COQ4: variants seen among roughly 807,000 people sequenced by gnomAD.
COQ4 encodes coenzyme Q4.
In COQ4, 36 loss-of-function variants were observed where a neutral mutation model predicts 30.2. The ratio of observed to expected loss-of-function variants is 1.19; its 90% CI spans 0.91 to 1.57. The LOEUF (loss-of-function observed/expected upper bound fraction) is 1.57, where lower values mean the gene tolerates loss of function less well. Ranked by LOEUF, COQ4 falls within the 40% of genes most tolerant of loss-of-function variation. COQ4 has a pLI of 0.00. For synonymous variants in COQ4, 197 were observed against 161.0 expected (o/e 1.22, Z -1.69); for missense variants, 369 against 371.9 (o/e 0.99, Z 0.07).
intron 3 of COQ4, 128 bp downstream of exon 3, chr9:128,325,367 G>C (rs1832300201): frequency 1.5e-6 from 1 of 661,950 alleles, no homozygotes; most frequent in African/African-American, 1.8e-5. Flanking sequence ...GGTTGCACAG[G>C]CTGGGCACTG....
intron 3 of COQ4, 131 bp from the exon 4 acceptor site, chr9:128,325,648 T>C (rs1025508147): frequency 1.4e-6 from 1 of 694,914 alleles, no homozygotes; most frequent in Non-Finnish European, 2.5e-6. Context: ...TGGCCAGTTG[T>C]AGGTGCTCCA....
chr9:128,332,466 C>G, intron 5 of COQ4, 184 bp downstream of exon 5: 2 of 666,710 alleles, frequency 3.0e-6, no homozygotes, highest in Non-Finnish European at 5.1e-6. Context: ...CCTCAGGGCT[C>G]CTGCACTAAT....
chr9:128,323,432 CATA>C, intron 2 of COQ4: 1 of 513,486 alleles, frequency 1.9e-6, no homozygotes, highest in Non-Finnish European at 3.4e-6. Context: ...ATAGATGATT[CATA>C]AGTACCGATC....
At chr9:128,331,257 C>CG (rs1372418416) in intron 4 of COQ4, 2 of 152,230 alleles carry the variant, frequency 1.3e-5, no homozygotes, top group African/African-American at 4.8e-5. Flanking sequence ...ATGTGGCAAG[C>CG]GGCTGCCATA....
chr9:128,332,809 C>T, intron 5 of COQ4, 41 bp from the exon 6 acceptor site: 1 of 1,453,924 alleles, frequency 6.9e-7, no homozygotes, highest in Non-Finnish European at 9.7e-7. Context: ...GCCTTTCCTT[C>T]AGATAGCTTG....
At chr9:128,331,957 G>A in intron 4 of COQ4, 196 bp from the exon 5 acceptor site, 1 of 552,924 alleles carries the variant, frequency 1.8e-6, no homozygotes, top group Non-Finnish European at 3.2e-6. Context: ...TTGAACTCCT[G>A]ATCTCAGGTG....
intron 2 of COQ4, chr9:128,323,433 A>AT: frequency 1.9e-6 from 1 of 514,236 alleles, no homozygotes; most frequent in Non-Finnish European, 3.4e-6. Flanking sequence ...TAGATGATTC[A>AT]TAAGTACCGA....
At chr9:128,331,084 G>A (rs1832400581) in intron 4 of COQ4, 1 of 152,140 alleles carries the variant, frequency 6.6e-6, no homozygotes, top group African/African-American at 2.4e-5. Flanking sequence ...TGATCCACCT[G>A]CCTCAGCCTC....
chr9:128,326,054 A>T (rs1832315218), intron 4 of COQ4, 173 bp downstream of exon 4: 1 of 637,484 alleles, frequency 1.6e-6, no homozygotes, highest in East Asian at 2.7e-5. Flanking sequence ...GGGTGGGAAC[A>T]TGCCTGCAAT....
chr9:128,327,459 A>G (rs1386949614), intron 4 of COQ4, among the ~76,000 whole-genome samples: 3 of 152,028 alleles, frequency 2.0e-5, no homozygotes, highest in Non-Finnish European at 4.4e-5. Context: ...AACAAAACAA[A>G]AAAATTCATA....
In COQ4 at chr9:128,325,894, C is replaced by T. The variant is rs777622469; in HGVS notation, c.402+13C>T. ...CCTGGATGTGAACGTGAGTTTTCAG[C>T]TCCTGTGTATCTGGCAGTCACCAGA... On this transcript the variant is annotated intron_variant, in intron 4 of 6. Transcript: ENST00000300452. The T allele has an allele frequency of 2.2e-5, 35 of 1,607,944 alleles. No individual in the cohort carries two copies. Among genetic ancestry groups the T allele is most frequent in the Non-Finnish European group, 2.9e-5 (34 of 1,174,462 alleles).
At position 128,329,465 on chromosome 9, in the gene COQ4, C is replaced by T. The variant is rs1478712367; in HGVS notation, c.403-2688C>T. Among the ~76,000 whole-genome samples, 3 of 152,252 alleles carry T rather than the reference C, an allele frequency of 2.0e-5. No homozygotes were observed. The East Asian group carries it at 5.8e-4, about 29-fold the overall frequency. ...AATCTTGGCTCACTGCAACCTCCAC[C>T]TCCTGGCAATTCTCCTGCCTCAGCC... On this transcript the variant is annotated intron_variant, in intron 4 of 6. Coordinates refer to ENST00000300452, the MANE Select transcript of COQ4 (RefSeq NM_016035.5).
At chr9:128,328,948 C>G (rs1832364045) in intron 4 of COQ4, among the ~76,000 whole-genome samples, 1 of 152,150 alleles carries the variant, frequency 6.6e-6, no homozygotes, top group South Asian at 2.1e-4. Flanking sequence ...ACTTGTAGAG[C>G]AAGGAAATCA....
chr9:128,326,665 G>A (rs373034139), intron 4 of COQ4, among the ~76,000 whole-genome samples: 5 of 152,056 alleles, frequency 3.3e-5, no homozygotes, highest in East Asian at 1.9e-4. Context: ...GGATGGTCTC[G>A]ATCTCCTGAC....
intron 3 of COQ4, 43 bp from the exon 4 acceptor site, chr9:128,325,736 A>G (rs1409728377): frequency 1.3e-6 from 2 of 1,508,724 alleles, no homozygotes; most frequent in African/African-American, 1.4e-5. Context: ...TCGTTCACCT[A>G]CCTTTGCCCA....
At chr9:128,332,729 T>G in intron 5 of COQ4, 121 bp from the exon 6 acceptor site, 1 of 812,006 alleles carries the variant, frequency 1.2e-6, no homozygotes, top group Non-Finnish European at 2.2e-6. Flanking sequence ...AGGCCAGGAC[T>G]GGGCACAGCT....
chr9:128,325,686 C>T (rs1287969528), intron 3 of COQ4, 93 bp from the exon 4 acceptor site: 11 of 968,434 alleles, frequency 1.1e-5, no homozygotes, highest in Admixed American at 9.4e-5. Context: ...CACATTGCTC[C>T]TCTGTACATT....
chr9:128,333,506 C>A lies in COQ4; in HGVS notation c.659C>A (p.Pro220Gln). Residue 220 changes from proline (P) to glutamine (Q), a missense_variant, in exon 7 of 7, where the codon CCA (proline) becomes CAA (glutamine). Pro to Gln is a moderately conservative substitution (Grantham distance 76). Coordinates refer to ENST00000300452, the MANE Select transcript of COQ4 (RefSeq NM_016035.5). ...SLQVLVSELI[P>Q]WAVQNGRRAP... Reference sequence around the variant, plus strand: ...CAAGTGCTGGTCTCGGAGTTGATCCCATGGGCCGTTCAGAACGGGCGCAGA... The same window carrying A: ...CAAGTGCTGGTCTCGGAGTTGATCCAATGGGCCGTTCAGAACGGGCGCAGA... The A allele has an allele frequency of 6.4e-7, 1 of 1,574,182 alleles. No homozygotes were observed.
At chr9:128,330,440 T>A (rs1054507099) in intron 4 of COQ4, 2 of 152,070 alleles carry the variant, frequency 1.3e-5, no homozygotes, top group African/African-American at 4.8e-5. Flanking sequence ...TTCTGCCAGC[T>A]ACTTTAATAG....
Sources: allele counts gnomAD v4.1 joint callset (sites outside exome capture counted in the v4.1 genomes callset), GRCh38; gene constraint gnomAD v4.1.1; transcripts MANE v1.5; gene names NCBI Gene and HGNC (gene_info 2026-07-23, HGNC 2026-07-21).